Variants in SLC35F4 observed in about 807,000 individuals in gnomAD.
SLC35F4 encodes chromosome 14 open reading frame 36.
In SLC35F4, 24 loss-of-function variants were observed where a neutral mutation model predicts 44.2. The observed-to-expected ratio is 0.54, with a 90% CI of 0.39 to 0.76. SLC35F4 has a LOEUF of 0.76. Among genes scored for constraint, SLC35F4 ranks in the 30% least tolerant of loss-of-function variants. The pLI is 0.00. For missense variants in SLC35F4, 562 were observed against 586.1 expected (o/e 0.96, Z 0.42); for synonymous variants, 238 against 223.6 (o/e 1.06, Z -0.57).
At chr14:57,648,967 T>C (rs2073665661) in intron 1 of SLC35F4, among the ~76,000 whole-genome samples, 1 of 152,010 alleles carries the variant, frequency 6.6e-6, no homozygotes, top group Non-Finnish European at 1.5e-5. Context: ...CCTGGCCTCA[T>C]CTCTGTCCTT....
At chr14:57,668,805 C>T (rs1373060546) in intron 1 of SLC35F4, among the ~76,000 whole-genome samples, 6 of 152,032 alleles carry the variant, frequency 3.9e-5, no homozygotes, top group African/African-American at 9.7e-5. Context: ...ATTGACTTGG[C>T]GATGCGGGCT....
At position 57,944,081 on chromosome 14, in the gene SLC35F4, CA is replaced by C. The variant is rs200229323; in HGVS notation, n.282+37831del. 5.2e-3 allele frequency among the ~76,000 whole-genome samples: 598 copies of C among 114,124 alleles called. 3 individuals carry two copies. The highest frequency in any genetic ancestry group is 0.019 in the African/African-American group (569 of 30,612). 74.9% of individuals were successfully genotyped at this position (114,124 alleles called of 152,430 possible). A position where few individuals can be genotyped will look rare whatever the true frequency, so the allele number is the denominator to read the frequency against. On this transcript the variant is annotated intron_variant and non_coding_transcript_variant, in intron 1 of 1. Transcript: ENST00000556568. ...CAGTCATTGTCCTCCACACGAGCTC[CA>C]CACCAATTTCTGTCACATTCTTGTG...
At chr14:57,939,995 C>CT (rs1889887181) in intron 1 of SLC35F4, among the ~76,000 whole-genome samples, 2 of 152,124 alleles carry the variant, frequency 1.3e-5, no homozygotes, top group African/African-American at 4.8e-5. Context: ...ATATCATTCC[C>CT]TTTTTGGAGA....
rs1414024822 is a variant in SLC35F4 at position 57,743,134 on chromosome 14, T to TA, written c.103+122588_103+122589insT. ...AAGAGAAAGCAGCAAAGATATAAAA[T>TA]TGACATCCTAACCTCACAATGAAAA... On this transcript the variant is annotated intron_variant, in intron 1 of 7. Transcript: ENST00000556826. 4.6e-5 allele frequency among the ~76,000 whole-genome samples: 7 copies of TA among 152,238 alleles called. No individual in the cohort carries two copies. In the East Asian group the frequency reaches 1.4e-3, roughly 29 times the overall value.
chr14:57,855,914 T>C lies in SLC35F4; in HGVS notation c.103+9809A>G, dbSNP rs143120880. On this transcript the variant is annotated intron_variant, in intron 1 of 7. Transcript: ENST00000556826. The stretch of plus-strand genomic sequence containing the variant: ...GGGACATGGATGAAGCTGGAAACTA[T>C]CATTCTCAGCAAACTATCACAAGAA... Among the ~76,000 whole-genome samples the C allele has an allele frequency of 2.6e-3, 396 of 150,928 alleles. 2 individuals are homozygous for C. Among genetic ancestry groups the C allele is most frequent in the Non-Finnish European group, 3.4e-3 (232 of 68,026 alleles).
At chr14:57,579,202 G>T (rs919051880) in intron 4 of SLC35F4, among the ~76,000 whole-genome samples, 3 of 152,142 alleles carry the variant, frequency 2.0e-5, no homozygotes, top group Admixed American at 6.5e-5. Flanking sequence ...AATAATATCT[G>T]CAAGGACCCT....
chr14:57,593,509 C>T (rs1233139766), intron 2 of SLC35F4, among the ~76,000 whole-genome samples: 4 of 152,158 alleles, frequency 2.6e-5, no homozygotes, highest in Non-Finnish European at 5.9e-5. Context: ...ACTAAAAGGG[C>T]TCCAGGGACT....
At chr14:57,684,334 T>C (rs1281412490) in intron 1 of SLC35F4, among the ~76,000 whole-genome samples, 1 of 152,090 alleles carries the variant, frequency 6.6e-6, no homozygotes, top group Non-Finnish European at 1.5e-5. Context: ...CCCACACTTT[T>C]TGGCACCGGG....
At chr14:57,880,070 AAGGAAGGAAGGAAGGAAGG>A (rs1566920012) in intron 1 of SLC35F4, among the ~76,000 whole-genome samples, 13 of 138,142 alleles carry the variant, frequency 9.4e-5, no homozygotes, top group African/African-American at 3.8e-4. Flanking sequence ...GGAAGGAAGG[AAGGAAGGAAGGAAGGAAGG>A]AAGGAAGGAA....
At chr14:57,844,345 A>G (rs978094218) in intron 1 of SLC35F4, among the ~76,000 whole-genome samples, 4 of 152,210 alleles carry the variant, frequency 2.6e-5, no homozygotes, top group African/African-American at 9.6e-5. Flanking sequence ...GGTGTGAATA[A>G]CACGGGGCAA....
At chr14:57,857,696 T>C (rs2141001968) in intron 1 of SLC35F4, among the ~76,000 whole-genome samples, 1 of 152,164 alleles carries the variant, frequency 6.6e-6, no homozygotes, top group South Asian at 2.1e-4. Flanking sequence ...GTGTGCTAAA[T>C]GCTGGAGCAG....
At chr14:57,590,771 A>G (rs1301113645) in intron 2 of SLC35F4, among the ~76,000 whole-genome samples, 1 of 152,212 alleles carries the variant, frequency 6.6e-6, no homozygotes, top group East Asian at 1.9e-4. Flanking sequence ...CACAAGGCCT[A>G]TGCTGAGGGT....
At chr14:57,823,164 G>A (rs556447239) in intron 1 of SLC35F4, among the ~76,000 whole-genome samples, 62 of 152,126 alleles carry the variant, frequency 4.1e-4, no homozygotes, top group African/African-American at 1.5e-3. Context: ...TATGTGAGAT[G>A]GCCCCACCTA....
intron 1 of SLC35F4, among the ~76,000 whole-genome samples, chr14:57,736,052 T>C (rs1655038927): frequency 6.6e-6 from 1 of 152,022 alleles, no homozygotes. Flanking sequence ...GCAGTCACAA[T>C]ACAAAAAGGC....
intron 1 of SLC35F4, among the ~76,000 whole-genome samples, chr14:57,755,603 TTTAA>T (rs1281675142): frequency 1.3e-5 from 2 of 152,208 alleles, no homozygotes; most frequent in East Asian, 3.8e-4. Context: ...CCATTGACAT[TTTAA>T]TTATGCATTA....
intron 1 of SLC35F4, among the ~76,000 whole-genome samples, chr14:57,784,787 C>T (rs778306675): frequency 6.6e-6 from 1 of 152,126 alleles, no homozygotes; most frequent in Non-Finnish European, 1.5e-5. Context: ...TCTCTTGCCT[C>T]CCCTTCCACC....
At chr14:57,772,280 A>T (rs538409284) in intron 1 of SLC35F4, among the ~76,000 whole-genome samples, 1 of 152,358 alleles carries the variant, frequency 6.6e-6, no homozygotes, top group East Asian at 1.9e-4. Context: ...AATTCCTGGA[A>T]TAAAATTCAT....
chr14:57,781,397 T>A (rs1231861156), intron 1 of SLC35F4, among the ~76,000 whole-genome samples: 4 of 152,120 alleles, frequency 2.6e-5, no homozygotes, highest in African/African-American at 7.2e-5. Flanking sequence ...TGGCTATTAT[T>A]AAAAAATCAA....
intron 1 of SLC35F4, among the ~76,000 whole-genome samples, chr14:57,904,832 G>A (rs1889076585): frequency 6.6e-6 from 1 of 152,122 alleles, no homozygotes; most frequent in African/African-American, 2.4e-5. Flanking sequence ...GATCTGCTCT[G>A]ACTCTATCCC....
Sources: allele counts gnomAD v4.1 joint callset (sites outside exome capture counted in the v4.1 genomes callset), GRCh38; gene constraint gnomAD v4.1.1; transcripts MANE v1.5; gene names NCBI Gene and HGNC (gene_info 2026-07-23, HGNC 2026-07-21).